PLPP3: variants seen among roughly 807,000 people sequenced by gnomAD.
PLPP3 encodes phospholipid phosphatase 3, also known as PAP2 beta.
Under a neutral mutation model 29.6 loss-of-function variants are expected in PLPP3, and 6 were observed. The ratio of observed to expected loss-of-function variants is 0.20; its 90% confidence interval spans 0.11 to 0.40. The LOEUF is 0.40. PLPP3 is among the 10% of genes least tolerant of loss of function. The pLI is 1.00. For missense variants in PLPP3, 308 were observed against 407.7 expected, an observed-to-expected ratio of 0.76 and a Z score of 2.11; for synonymous variants, 152 against 159.7, an observed-to-expected ratio of 0.95 and a Z score of 0.36.
chr1:56,523,781 G>C (rs761884676), intron 4 of PLPP3, 42 bp downstream of exon 4: 1 of 1,577,504 alleles, frequency 6.3e-7, no homozygotes, highest in Non-Finnish European at 8.7e-7. Context: ...AGGGATCGAA[G>C]CTGGAACTGA....
intron 5 of PLPP3, among the ~76,000 whole-genome samples, chr1:56,505,298 G>A (rs560301217): frequency 8.6e-4 from 131 of 152,322 alleles, no homozygotes; most frequent in Non-Finnish European, 1.4e-3. Flanking sequence ...CATGGGATTG[G>A]AAAAGGTGGC....
chr1:56,574,652 G>T (rs1205975417), intron 1 of PLPP3, among the ~76,000 whole-genome samples: 4 of 152,132 alleles, frequency 2.6e-5, no homozygotes, highest in African/African-American at 9.7e-5. Context: ...CAGGTGAAAG[G>T]ACACATCCGG....
chr1:56,524,651 A>G lies in PLPP3; in HGVS notation c.298-97T>C, dbSNP rs1645841732. The G allele has an allele frequency of 7.4e-7, 1 of 1,356,442 alleles. No homozygotes were observed. The highest frequency in any genetic ancestry group is 1.0e-6 in the Non-Finnish European group (1 of 983,978). The allele number at this position is 1,356,442 out of a possible 1,614,324, so 84.0% of individuals were successfully genotyped here. A position where few individuals can be genotyped will look rare whatever the true frequency, so the allele number is the denominator to read the frequency against. ...TCAACAACACAGGAGAATATTCAGTATTTGCAAAGGAGTGTCCTAATTTTC... is the reference window on the plus strand; with the variant it reads ...TCAACAACACAGGAGAATATTCAGTGTTTGCAAAGGAGTGTCCTAATTTTC... On this transcript the variant is annotated intron_variant, in intron 2 of 5. Transcript: ENST00000371250. This position sits in a 1 kb window ranked among gnomAD's most constrained non-coding sequence, Gnocchi z 4.3.
At chr1:56,568,577 A>T (rs2100305453) in intron 1 of PLPP3, among the ~76,000 whole-genome samples, 1 of 152,302 alleles carries the variant, frequency 6.6e-6, no homozygotes, top group East Asian at 1.9e-4. Context: ...TGGCCTCACC[A>T]TAGTTCAGAG....
chr1:56,521,254 AAAG>A (rs57463837), intron 4 of PLPP3, among the ~76,000 whole-genome samples: 40,719 of 128,468 alleles, frequency 0.32, 7,107 homozygotes, highest in East Asian at 0.6. Context: ...AAAAAAAAAA[AAAG>A]AAGAAGAAGA....
intron 2 of PLPP3, among the ~76,000 whole-genome samples, chr1:56,532,388 G>A (rs1435953326): frequency 6.6e-6 from 1 of 152,028 alleles, no homozygotes; most frequent in African/African-American, 2.4e-5. Context: ...ACATTTTTCA[G>A]AGTTGAAAAC....
At position 56,538,962 on chromosome 1, in the gene PLPP3, A is replaced by AAAAAAAAAAAAAAAAAC. The variant is rs1291572263; in HGVS notation, c.140-1851_140-1850insGTTTTTTTTTTTTTTTT. 13 of 150,804 alleles carry AAAAAAAAAAAAAAAAAC rather than the reference A, an allele frequency of 8.6e-5. 1 individual carries two copies. Among genetic ancestry groups the AAAAAAAAAAAAAAAAAC allele is most frequent in the Admixed American group, 7.9e-4 (12 of 15,132 alleles). The allele number at this position is 150,804 out of a possible 1,614,324, so 9.3% of individuals were successfully genotyped here. A position where few individuals can be genotyped will look rare whatever the true frequency, so the allele number is the denominator to read the frequency against. On this transcript the variant is annotated intron_variant, in intron 1 of 5. Transcript: ENST00000371250. ...TAAATACAAGACTTCTGGGCTGCAA[A>AAAAAAAAAAAAAAAAAC]AAAAAAAAACACAGTGGATAATACA... is the stretch of plus-strand genomic sequence containing the variant.
intron 1 of PLPP3, among the ~76,000 whole-genome samples, chr1:56,559,350 A>T (rs1646105799): frequency 6.6e-6 from 1 of 152,152 alleles, no homozygotes; most frequent in Admixed American, 6.5e-5. Flanking sequence ...TGAACAATAG[A>T]TGCCTCTGGG....
chr1:56,575,887 C>A (rs1165019699), intron 1 of PLPP3, among the ~76,000 whole-genome samples: 1 of 152,114 alleles, frequency 6.6e-6, no homozygotes, highest in African/African-American at 2.4e-5. Context: ...CCCCATACAC[C>A]ACAATCAATG....
At chr1:56,534,771 G>A (rs1405292650) in intron 2 of PLPP3, among the ~76,000 whole-genome samples, 1 of 152,098 alleles carries the variant, frequency 6.6e-6, no homozygotes, top group Non-Finnish European at 1.5e-5. Flanking sequence ...TTTTCTGTGA[G>A]TACCCTTGAT....
At chr1:56,565,029 A>G (rs1024580562) in intron 1 of PLPP3, among the ~76,000 whole-genome samples, 2 of 152,236 alleles carry the variant, frequency 1.3e-5, no homozygotes, top group Admixed American at 6.5e-5. Context: ...CAGCAAGACA[A>G]ATGTAACAAT....
intron 1 of PLPP3, among the ~76,000 whole-genome samples, chr1:56,565,289 A>G (rs571603562): frequency 3.9e-5 from 6 of 152,126 alleles, no homozygotes; most frequent in Non-Finnish European, 7.3e-5. Context: ...GAAGCTCAAA[A>G]TCTTTCAATG....
chr1:56,574,644 G>A (rs1350350406), intron 1 of PLPP3, among the ~76,000 whole-genome samples: 5 of 152,168 alleles, frequency 3.3e-5, no homozygotes, highest in Non-Finnish European at 7.3e-5. Context: ...TCAGGAAGCA[G>A]GTGAAAGGAC....
At chr1:56,513,969 C>T (rs539090624) in intron 4 of PLPP3, among the ~76,000 whole-genome samples, 3 of 150,906 alleles carry the variant, frequency 2.0e-5, no homozygotes, top group East Asian at 2.0e-4. Flanking sequence ...CATGGACATC[C>T]GAAAAAGATG....
At chr1:56,545,718 C>T (rs1006390657) in intron 1 of PLPP3, among the ~76,000 whole-genome samples, 4 of 152,112 alleles carry the variant, frequency 2.6e-5, no homozygotes, top group Non-Finnish European at 5.9e-5. Flanking sequence ...GTTAAAAATT[C>T]ATTCGTCAGC....
intron 1 of PLPP3, among the ~76,000 whole-genome samples, chr1:56,559,521 G>A (rs1391992790): frequency 6.6e-6 from 1 of 151,254 alleles, no homozygotes; most frequent in Non-Finnish European, 1.5e-5. Context: ...CAAAATGCTG[G>A]GATTACAGGT....
At chr1:56,503,529 A>T (rs1223283824) in intron 5 of PLPP3, among the ~76,000 whole-genome samples, 1 of 152,152 alleles carries the variant, frequency 6.6e-6, no homozygotes, top group African/African-American at 2.4e-5. Context: ...TCTCTACTAA[A>T]AATACAAAAA....
At chr1:56,568,496 TA>T (rs1414508931) in intron 1 of PLPP3, among the ~76,000 whole-genome samples, 1 of 152,210 alleles carries the variant, frequency 6.6e-6, no homozygotes, top group African/African-American at 2.4e-5. Flanking sequence ...GCTATGCACA[TA>T]AAAAAGCATT....
chr1:56,561,126 C>G (rs1048973420), intron 1 of PLPP3, among the ~76,000 whole-genome samples: 1 of 151,596 alleles, frequency 6.6e-6, no homozygotes, highest in African/African-American at 2.4e-5. Context: ...GGATTACAGG[C>G]GTGAGCCACT....
Sources: gnomAD v4.1 joint callset for allele counts (sites outside exome capture counted in the v4.1 genomes callset) on GRCh38, gnomAD v4.1.1 for gene constraint, Gnocchi (gnomAD v3.1) non-coding constraint, MANE v1.5 for transcripts, NCBI Gene and HGNC (gene_info 2026-07-23, HGNC 2026-07-21) for gene names.